Variants in ERC2 observed in about 807,000 individuals in gnomAD.
ERC2 encodes ELKS/RAB6-interacting/CAST family member 2.
ERC2 carries 42 observed loss-of-function variants against 114.8 expected under a neutral mutation model. The observed-to-expected ratio is 0.37, with a 90% CI of 0.29 to 0.47. The LOEUF (loss-of-function observed/expected upper bound fraction) is 0.47. Among genes scored for constraint, ERC2 ranks in the 20% least tolerant of loss-of-function variants. ERC2 has a pLI of 0.99. For synonymous variants in ERC2, 454 were observed against 425.5 expected, an observed-to-expected ratio of 1.07 and a Z score of -0.82; for missense variants, 939 against 1,150.7, an observed-to-expected ratio of 0.82 and a Z score of 2.66.
intron 2 of ERC2, among the ~76,000 whole-genome samples, chr3:56,316,813 C>G (rs956646393): frequency 6.6e-6 from 1 of 152,146 alleles, no homozygotes; most frequent in Non-Finnish European, 1.5e-5. Flanking sequence ...ATTTTTAAGG[C>G]TATAACACAA....
intron 15 of ERC2, among the ~76,000 whole-genome samples, chr3:55,725,787 G>GA (rs2064873745): frequency 1.3e-5 from 2 of 152,208 alleles, no homozygotes; most frequent in South Asian, 2.1e-4. Flanking sequence ...ATAGGGATTT[G>GA]AAAAATGCAT....
chr3:56,181,660 C>A (rs922611476), intron 3 of ERC2, among the ~76,000 whole-genome samples: 1 of 152,182 alleles, frequency 6.6e-6, no homozygotes, highest in African/African-American at 2.4e-5. Flanking sequence ...TTCTCCTTCA[C>A]TGTAGACTGG....
intron 17 of ERC2, among the ~76,000 whole-genome samples, chr3:55,543,910 A>C (rs986578043): frequency 1.3e-5 from 2 of 152,128 alleles, no homozygotes; most frequent in Non-Finnish European, 2.9e-5. Flanking sequence ...CACGATCCTC[A>C]ATTCAGATTC....
In ERC2 at chr3:56,373,650, T is replaced by C. The variant is rs564108795; in HGVS notation, c.657+60701A>G. On this transcript the variant is annotated intron_variant, in intron 2 of 17. Coordinates refer to ENST00000288221, the MANE Select transcript of ERC2 (RefSeq NM_015576.3). Reference sequence around the variant, plus strand: ...GCAAAGGGCCAAACAGTAAATATTTTAGTCTTTGCTAGCCAAGACCGTCTC... The same window carrying C: ...GCAAAGGGCCAAACAGTAAATATTTCAGTCTTTGCTAGCCAAGACCGTCTC... Among the ~76,000 whole-genome samples the C allele has an allele frequency of 3.0e-4, 45 of 152,372 alleles. 1 individual carries two copies. In the Middle Eastern group the frequency reaches 0.014, roughly 46 times the overall value.
chr3:56,150,091 C>T (rs984979009), intron 4 of ERC2, among the ~76,000 whole-genome samples: 1 of 152,128 alleles, frequency 6.6e-6, no homozygotes, highest in Non-Finnish European at 1.5e-5. Flanking sequence ...CATCTGCCTG[C>T]CATTTTACTG....
intron 6 of ERC2, among the ~76,000 whole-genome samples, chr3:56,138,576 T>A (rs1279796509): frequency 6.6e-6 from 1 of 152,092 alleles, no homozygotes; most frequent in Non-Finnish European, 1.5e-5. Context: ...TACTCAACAG[T>A]CCCATTAACT....
chr3:55,883,683 A>G (rs529819774), intron 14 of ERC2, among the ~76,000 whole-genome samples: 56 of 152,092 alleles, frequency 3.7e-4, no homozygotes, highest in African/African-American at 1.3e-3. Context: ...AGGTCAGGAG[A>G]TCGAGACCAT....
At chr3:56,453,331 G>A (rs1286856593) in intron 1 of ERC2, among the ~76,000 whole-genome samples, 1 of 152,070 alleles carries the variant, frequency 6.6e-6, no homozygotes, top group Non-Finnish European at 1.5e-5. Context: ...GTCCAAGAAA[G>A]GCTCCTTCAG....
chr3:55,598,227 T>C (rs1443411236), intron 17 of ERC2, among the ~76,000 whole-genome samples: 1 of 152,248 alleles, frequency 6.6e-6, no homozygotes, highest in African/African-American at 2.4e-5. Context: ...TCATTTCTTA[T>C]AATAACTGCA....
At chr3:55,740,882 C>A (rs143966362) in intron 14 of ERC2, among the ~76,000 whole-genome samples, 2,658 of 152,200 alleles carry the variant, frequency 0.017, 77 homozygotes, top group African/African-American at 0.061. Context: ...ATGCTTTGAG[C>A]ACCAACAGGA....
At chr3:55,560,554 C>T (rs2055937844) in intron 17 of ERC2, among the ~76,000 whole-genome samples, 1 of 152,128 alleles carries the variant, frequency 6.6e-6, no homozygotes, top group African/African-American at 2.4e-5. Flanking sequence ...CCACCAAGGC[C>T]CTTGGCATGT....
chr3:55,522,540 T>G (rs1159883546), intron 17 of ERC2, among the ~76,000 whole-genome samples: 1 of 145,128 alleles, frequency 6.9e-6, no homozygotes, highest in African/African-American at 2.6e-5. Context: ...AACATTCCCC[T>G]CCAAAGAATG....
chr3:55,714,695 A>ATG (rs2064003504), intron 15 of ERC2, among the ~76,000 whole-genome samples: 6 of 116,006 alleles, frequency 5.2e-5, no homozygotes, highest in African/African-American at 1.5e-4. Context: ...ATATATATAT[A>ATG]TATATATATA....
chr3:56,119,543 T>C (rs934400934), intron 6 of ERC2, among the ~76,000 whole-genome samples: 1 of 152,226 alleles, frequency 6.6e-6, no homozygotes, highest in Non-Finnish European at 1.5e-5. Flanking sequence ...AACCACCTTT[T>C]ACTCTTGCAT....
intron 17 of ERC2, among the ~76,000 whole-genome samples, chr3:55,545,753 T>C (rs2054699272): frequency 6.6e-6 from 1 of 152,046 alleles, no homozygotes; most frequent in South Asian, 2.1e-4. Flanking sequence ...GCTGTGCTCA[T>C]AGTTGCTGTG....
intron 17 of ERC2, among the ~76,000 whole-genome samples, chr3:55,597,159 G>A (rs1383210920): frequency 1.3e-5 from 2 of 152,132 alleles, no homozygotes; most frequent in Non-Finnish European, 2.9e-5. Context: ...GGTGGCTCAC[G>A]CCTGTAATCC....
chr3:55,568,336 G>A (rs1319348650), intron 17 of ERC2, among the ~76,000 whole-genome samples: 1 of 152,168 alleles, frequency 6.6e-6, no homozygotes, highest in Non-Finnish European at 1.5e-5. Context: ...TCAGAGTGAT[G>A]AGGAGGTAGA....
At chr3:55,774,595 C>A (rs772246591) in intron 14 of ERC2, among the ~76,000 whole-genome samples, 23 of 152,216 alleles carry the variant, frequency 1.5e-4, no homozygotes, top group Non-Finnish European at 2.2e-4. Flanking sequence ...TTTGGCTTTG[C>A]AGAGCCAGGC....
At position 55,834,380 on chromosome 3, in the gene ERC2, T is replaced by C. The variant is rs542618161; in HGVS notation, c.2564+54009A>G. ...TGGAAGTAAAGCTCTCCTCAGCAAATGTAAAAGAACAGAAGTTATAACAAA... is the reference window on the plus strand; with the variant it reads ...TGGAAGTAAAGCTCTCCTCAGCAAACGTAAAAGAACAGAAGTTATAACAAA... On this transcript the variant is annotated intron_variant, in intron 14 of 17. Transcript: ENST00000288221. Among the ~76,000 whole-genome samples, 4 of 152,122 alleles carry C rather than the reference T, an allele frequency of 2.6e-5. No individual in the cohort carries two copies. The East Asian group carries it at 5.8e-4, about 22-fold the overall frequency.
Sources: gnomAD v4.1 joint callset for allele counts (sites outside exome capture counted in the v4.1 genomes callset) on GRCh38, gnomAD v4.1.1 for gene constraint, MANE v1.5 for transcripts, NCBI Gene and HGNC (gene_info 2026-07-23, HGNC 2026-07-21) for gene names.